Variants in FMNL3 observed in about 807,000 individuals in gnomAD.
The protein encoded by FMNL3 is formin-like protein 3.
A neutral mutation model predicts 119.6 loss-of-function variants in FMNL3; 57 were observed. That is an observed-to-expected ratio of 0.48 (90% confidence interval 0.39 to 0.59). FMNL3 has a LOEUF of 0.59. Among genes scored for constraint, FMNL3 ranks in the 20% least tolerant of loss-of-function variants. FMNL3 has a pLI of 0.00. For missense variants in FMNL3, 1,053 were observed against 1,323.5 expected (o/e 0.80, Z 3.17); for synonymous variants, 491 against 507.3 (o/e 0.97, Z 0.43).
At chr12:49,667,038 G>A (rs1943910391) in intron 2 of FMNL3, among the ~76,000 whole-genome samples, 1 of 152,114 alleles carries the variant, frequency 6.6e-6, no homozygotes, top group African/African-American at 2.4e-5. Flanking sequence ...ACTGAAGGCT[G>A]CATTCAGCAA....
At position 49,643,727 on chromosome 12, in the gene FMNL3, AAAC is replaced by A; in HGVS notation, c.*2085_*2087del. On this transcript the variant is annotated 3_prime_UTR_variant, in exon 26 of 26. Transcript: ENST00000335154. ...CGGAAAGCCAAGAAACCAAAAAAGAAAACTAAGAAGAGAAGACACAAGTCGGTG... is the reference window on the plus strand; with the variant it reads ...CGGAAAGCCAAGAAACCAAAAAAGAATAAGAAGAGAAGACACAAGTCGGTG... The A allele has an allele frequency of 6.2e-7, 1 of 1,614,162 alleles. No individual in the cohort carries two copies. Among genetic ancestry groups the A allele is most frequent in the Non-Finnish European group, 8.5e-7 (1 of 1,180,022 alleles).
At chr12:49,663,129 T>C (rs1434849210) in intron 4 of FMNL3, among the ~76,000 whole-genome samples, 2 of 152,226 alleles carry the variant, frequency 1.3e-5, no homozygotes, top group Non-Finnish European at 2.9e-5. Context: ...CGGAGCTGCC[T>C]GAAGTTAGCT....
chr12:49,645,568 G>T lies in FMNL3; in HGVS notation c.*247C>A. The stretch of plus-strand genomic sequence containing the variant: ...AAATGGTTTTTCCTAGCCCTGAGCT[G>T]ACCCTTGGTGACCCTTCAGGAAATG... On this transcript the variant is annotated 3_prime_UTR_variant, in exon 26 of 26. Transcript: ENST00000335154. The T allele has an allele frequency of 2.0e-6, 1 of 489,512 alleles. No individual in the cohort carries two copies. The highest frequency in any genetic ancestry group is 3.6e-6 in the Non-Finnish European group (1 of 279,886). 30.3% of individuals were successfully genotyped at this position (489,512 alleles called of 1,614,324 possible).
chr12:49,654,360 A>C, intron 10 of FMNL3, 58 bp from the exon 11 acceptor site: 1 of 1,433,378 alleles, frequency 7.0e-7, no homozygotes, highest in Non-Finnish European at 9.8e-7. Flanking sequence ...AAGGCAAGAG[A>C]CCAGGAGGAT....
In FMNL3 at chr12:49,658,587, A is replaced by T; in HGVS notation, c.460T>A (p.Phe154Ile). Residue 154 changes from phenylalanine (F) to isoleucine (I), a missense_variant, in exon 6 of 26, where the codon TTT (phenylalanine) becomes ATT (isoleucine). By Grantham distance (21) the Phe-to-Ile change is conservative (BLOSUM62 0). Coordinates refer to ENST00000335154, the MANE Select transcript of FMNL3 (RefSeq NM_175736.5). ...SFAQCSVMFDFEGLESGDDGA... is the reference protein window; with the variant it reads ...SFAQCSVMFDIEGLESGDDGA... ...TCGTCACCACTTTCCAGACCCTCAA[A>T]GTCAAACCTGGAGCATGAAAGGACA... is the stretch of plus-strand genomic sequence containing the variant. The T allele has an allele frequency of 1.2e-6, 2 of 1,608,370 alleles. No individual in the cohort carries two copies. The highest frequency in any genetic ancestry group is 2.2e-5 in the South Asian group (2 of 90,200).
At chr12:49,673,467 C>T (rs1254039195) in intron 1 of FMNL3, among the ~76,000 whole-genome samples, 1 of 152,254 alleles carries the variant, frequency 6.6e-6, no homozygotes, top group Non-Finnish European at 1.5e-5. Context: ...AAGCAGGCAA[C>T]ACAAGGCACA....
intron 1 of FMNL3, among the ~76,000 whole-genome samples, chr12:49,704,101 A>C (rs1157266532): frequency 6.6e-6 from 1 of 152,172 alleles, no homozygotes. Flanking sequence ...TTGACTTCCA[A>C]TTTCATTAAA....
Position 49,653,788 on chromosome 12 carries a change from C to T in FMNL3, c.1158G>A (p.Glu386=). 1 of 1,614,238 alleles carries T rather than the reference C, an allele frequency of 6.2e-7. No individual in the cohort carries two copies. The highest frequency in any genetic ancestry group is 1.1e-5 in the South Asian group (1 of 91,078). The change falls in exon 12 of 26, where the codon GAG becomes GAA. Residue 386 remains glutamate, a synonymous_variant. Coordinates refer to ENST00000335154, the MANE Select transcript of FMNL3 (RefSeq NM_175736.5). ...DNVFDVGGLL[E]DAETKNVALE... ...GGGCTACATTCTTGGTCTCAGCATC[C>T]TCCAACAAACCCCCGACATCAAACA...
At position 49,644,204 on chromosome 12, in the gene FMNL3, G is replaced by A; in HGVS notation, c.*1611C>T. ...ATGATCACCAGTGACCCAATGAGCT[G>A]TTCTCTGCCTCGGGTCTGTGTGAGG... On this transcript the variant is annotated 3_prime_UTR_variant, in exon 26 of 26. Transcript: ENST00000335154. 3 of 1,613,968 alleles carry A rather than the reference G, an allele frequency of 1.9e-6. No individual in the cohort carries two copies. Among genetic ancestry groups the A allele is most frequent in the South Asian group, 2.2e-5 (2 of 91,082 alleles).
At chr12:49,696,996 C>T (rs1169893995) in intron 1 of FMNL3, among the ~76,000 whole-genome samples, 1 of 152,160 alleles carries the variant, frequency 6.6e-6, no homozygotes, top group African/African-American at 2.4e-5. Flanking sequence ...TTAAAACTCC[C>T]AAAATACTAC....
intron 25 of FMNL3, chr12:49,646,513 T>G: frequency 1.4e-6 from 1 of 697,386 alleles, no homozygotes; most frequent in Admixed American, 2.9e-5. Flanking sequence ...AAGAAGTATG[T>G]GTCCCCATTG....
intron 1 of FMNL3, among the ~76,000 whole-genome samples, chr12:49,694,614 A>G (rs942447411): frequency 1.3e-5 from 2 of 152,156 alleles, no homozygotes; most frequent in East Asian, 3.9e-4. Context: ...GATAATTAGT[A>G]TAATAAGTAT....
chr12:49,704,311 A>G (rs1944984862), intron 1 of FMNL3, among the ~76,000 whole-genome samples: 1 of 152,200 alleles, frequency 6.6e-6, no homozygotes, highest in Non-Finnish European at 1.5e-5. Context: ...AACCTCCCAA[A>G]TAGCTTTTTC....
intron 4 of FMNL3, among the ~76,000 whole-genome samples, chr12:49,662,487 C>T (rs1943763723): frequency 6.6e-6 from 1 of 152,176 alleles, no homozygotes; most frequent in African/African-American, 2.4e-5. Context: ...AAGCCTCAGT[C>T]AAGACCCCAG....
rs201250984 is a variant in FMNL3 at position 49,642,583 on chromosome 12, C to T, written c.*3232G>A. ...AGCAGTGCTCTCCTCGTTCAAGGTC[C>T]GTGAGCGTTTTGTGTGTGACTCAGC... On this transcript the variant is annotated 3_prime_UTR_variant, in exon 26 of 26. Transcript: ENST00000335154. The surrounding 1 kb of genome is among the most constrained non-coding windows in gnomAD (Gnocchi z 5.8). The T allele has an allele frequency of 9.3e-6, 15 of 1,614,066 alleles. No homozygotes were observed. In the East Asian group the frequency reaches 1.1e-4, roughly 12 times the overall value.
At chr12:49,702,914 T>G (rs771877344) in intron 1 of FMNL3, among the ~76,000 whole-genome samples, 1 of 152,224 alleles carries the variant, frequency 6.6e-6, no homozygotes, top group African/African-American at 2.4e-5. Flanking sequence ...CCCATTTCTG[T>G]GTCAAAGGAG....
At chr12:49,659,385 A>G (rs2138804812) in intron 5 of FMNL3, among the ~76,000 whole-genome samples, 1 of 152,182 alleles carries the variant, frequency 6.6e-6, no homozygotes, top group Admixed American at 6.5e-5. Flanking sequence ...CCTGGAACAG[A>G]TGTCTTCCAC....
chr12:49,684,233 G>GC (rs574057546), intron 1 of FMNL3, among the ~76,000 whole-genome samples: 199 of 152,180 alleles, frequency 1.3e-3, no homozygotes, highest in South Asian at 0.011. Flanking sequence ...CTGCTATCTT[G>GC]CCCCCTCTCT....
intron 25 of FMNL3, 143 bp from the exon 26 acceptor site, chr12:49,646,046 C>T: frequency 1.5e-6 from 1 of 656,780 alleles, no homozygotes; most frequent in Non-Finnish European, 2.6e-6. Flanking sequence ...TTGAGGGGTA[C>T]CCAGTTGGGG....
Sources: allele counts gnomAD v4.1 joint callset (sites outside exome capture counted in the v4.1 genomes callset), GRCh38; gene constraint gnomAD v4.1.1; non-coding constraint Gnocchi (gnomAD v3.1); transcripts MANE v1.5; gene names NCBI Gene and HGNC (gene_info 2026-07-23, HGNC 2026-07-21).